AKAP6: variants seen among roughly 807,000 people sequenced by gnomAD.
AKAP6 encodes A-kinase anchoring protein 6, also known as A-kinase anchor protein 6.
Under a neutral mutation model 188.5 loss-of-function variants are expected in AKAP6, and 58 were observed. The observed-to-expected ratio is 0.31, with a 90% confidence interval of 0.25 to 0.38. The LOEUF (loss-of-function observed/expected upper bound fraction) is 0.38. Ranked by LOEUF, AKAP6 falls within the 10% of genes least tolerant of loss-of-function variation. The pLI is 1.00. For missense variants in AKAP6, 2,710 were observed against 2,740.0 expected (o/e 0.99, Z 0.24); for synonymous variants, 989 against 998.6 (o/e 0.99, Z 0.18).
At chr14:32,678,176 T>C (rs1889514328) in intron 7 of AKAP6, 135 bp from the exon 8 acceptor site, 3 of 850,608 alleles carry the variant, frequency 3.5e-6, no homozygotes, top group African/African-American at 1.7e-5. Flanking sequence ...TATGCCCAAC[T>C]GATCCCATTA....
At chr14:32,497,703 T>TA (rs1416018762) in intron 2 of AKAP6, among the ~76,000 whole-genome samples, 13 of 151,838 alleles carry the variant, frequency 8.6e-5, no homozygotes, top group African/African-American at 2.4e-4. Flanking sequence ...TATATATATA[T>TA]TTTTTTCCAA....
At chr14:32,577,707 T>C (rs1884791944) in intron 5 of AKAP6, among the ~76,000 whole-genome samples, 1 of 152,128 alleles carries the variant, frequency 6.6e-6, no homozygotes, top group African/African-American at 2.4e-5. Flanking sequence ...ATCTCCATCA[T>C]TTTTGCTGCT....
intron 11 of AKAP6, among the ~76,000 whole-genome samples, chr14:32,749,266 G>A (rs183918447): frequency 1.9e-4 from 29 of 152,186 alleles, no homozygotes; most frequent in Non-Finnish European, 3.7e-4. Context: ...TTCTGTAAGA[G>A]CTACCTTTTT....
intron 1 of AKAP6, among the ~76,000 whole-genome samples, chr14:32,370,201 C>A (rs186418288): frequency 2.6e-5 from 4 of 152,254 alleles, no homozygotes; most frequent in South Asian, 4.1e-4. Flanking sequence ...CAAGAGGAGA[C>A]CAGAAAGACT....
chr14:32,495,252 G>A (rs1214526155), intron 2 of AKAP6: 2 of 152,224 alleles, frequency 1.3e-5, no homozygotes, highest in Non-Finnish European at 2.9e-5. Flanking sequence ...ATCGACTTGA[G>A]TTACAAGATC....
intron 11 of AKAP6, among the ~76,000 whole-genome samples, chr14:32,770,513 T>C (rs188411513): frequency 1.4e-4 from 22 of 152,302 alleles, no homozygotes; most frequent in African/African-American, 4.6e-4. Flanking sequence ...ATGAAAAGCA[T>C]TTCAAACTTT....
At chr14:32,703,092 G>T (rs1292659577) in intron 9 of AKAP6, among the ~76,000 whole-genome samples, 1 of 152,116 alleles carries the variant, frequency 6.6e-6, no homozygotes, top group Non-Finnish European at 1.5e-5. Context: ...TCAAAAACTT[G>T]TGAAAACTAT....
At chr14:32,786,298 C>CTTTTTTTTTTTTTTTTTTTTTTTT (rs1162974012) in intron 12 of AKAP6, among the ~76,000 whole-genome samples, 4 of 82,552 alleles carry the variant, frequency 4.8e-5, no homozygotes, top group Non-Finnish European at 8.6e-5. Flanking sequence ...AAACCTTTAT[C>CTTTTTTTTTTTTTTTTTTTTTTTT]TTTTTTTTTT....
chr14:32,595,543 C>G (rs757414361), intron 5 of AKAP6, among the ~76,000 whole-genome samples: 2 of 152,222 alleles, frequency 1.3e-5, no homozygotes, highest in Non-Finnish European at 2.9e-5. Flanking sequence ...CAGTCTTGCT[C>G]TATTGCCCAG....
At chr14:32,569,847 G>A (rs1219428147) in intron 4 of AKAP6, among the ~76,000 whole-genome samples, 1 of 152,074 alleles carries the variant, frequency 6.6e-6, no homozygotes, top group Non-Finnish European at 1.5e-5. Flanking sequence ...TTTTTTGGTA[G>A]CCCCATTGCT....
intron 5 of AKAP6, among the ~76,000 whole-genome samples, chr14:32,579,836 A>T (rs1043460180): frequency 6.6e-6 from 1 of 152,122 alleles, no homozygotes; most frequent in Non-Finnish European, 1.5e-5. Flanking sequence ...TCTTTAGTTA[A>T]CCGTGCATAA....
intron 1 of AKAP6, among the ~76,000 whole-genome samples, chr14:32,401,281 A>G (rs1397897033): frequency 6.6e-6 from 1 of 152,172 alleles, no homozygotes; most frequent in Non-Finnish European, 1.5e-5. Flanking sequence ...AAAAATTGAA[A>G]TGAGTCAGGG....
intron 1 of AKAP6, among the ~76,000 whole-genome samples, chr14:32,336,502 C>T (rs748387216): frequency 3.5e-4 from 54 of 152,240 alleles, no homozygotes; most frequent in Non-Finnish European, 5.9e-4. Flanking sequence ...TTACAAATAA[C>T]GATGACTATA....
chr14:32,483,472 T>G (rs1879474239), intron 2 of AKAP6, among the ~76,000 whole-genome samples: 1 of 152,126 alleles, frequency 6.6e-6, no homozygotes, highest in African/African-American at 2.4e-5. Context: ...TTTGTGTCTT[T>G]TTTAAAAAAA....
At chr14:32,511,613 G>A (rs1881266799) in intron 2 of AKAP6, among the ~76,000 whole-genome samples, 1 of 152,100 alleles carries the variant, frequency 6.6e-6, no homozygotes, top group Non-Finnish European at 1.5e-5. Flanking sequence ...CTGACCTCAG[G>A]TGACCCACCC....
chr14:32,758,907 C>G (rs959002631), intron 11 of AKAP6, among the ~76,000 whole-genome samples: 1 of 152,170 alleles, frequency 6.6e-6, no homozygotes, highest in Non-Finnish European at 1.5e-5. Context: ...TCTCAACTTG[C>G]AACAGTTTCT....
At chr14:32,749,216 T>C (rs1230930055) in intron 11 of AKAP6, among the ~76,000 whole-genome samples, 1 of 152,202 alleles carries the variant, frequency 6.6e-6, no homozygotes, top group African/African-American at 2.4e-5. Flanking sequence ...TTAGGTTTTT[T>C]TGATTGAGAA....
intron 1 of AKAP6, among the ~76,000 whole-genome samples, chr14:32,336,226 T>G (rs1886695884): frequency 6.6e-6 from 1 of 152,088 alleles, no homozygotes; most frequent in Non-Finnish European, 1.5e-5. Flanking sequence ...AAGTTTTTTT[T>G]TTTTACTGTG....
chr14:32,618,307 T>A (rs559871244), intron 7 of AKAP6, among the ~76,000 whole-genome samples: 1 of 151,822 alleles, frequency 6.6e-6, no homozygotes, highest in Non-Finnish European at 1.5e-5. Flanking sequence ...GTAGTATACA[T>A]TGTACCCAAT....
Sources: allele counts gnomAD v4.1 joint callset (sites outside exome capture counted in the v4.1 genomes callset), GRCh38; gene constraint gnomAD v4.1.1; transcripts MANE v1.5; gene names NCBI Gene and HGNC (gene_info 2026-07-23, HGNC 2026-07-21).